SLC26A9: variants seen among roughly 807,000 people sequenced by gnomAD.
SLC26A9 encodes the protein solute carrier family 26 member 9, also known as anion transporter/exchanger protein 9.
Under a neutral mutation model 87.1 loss-of-function variants are expected in SLC26A9, and 46 were observed. The observed-to-expected ratio is 0.53, with a 90% CI of 0.42 to 0.67. The LOEUF (loss-of-function observed/expected upper bound fraction) is 0.67, where lower values mean the gene tolerates loss of function less well. Ranked by LOEUF, SLC26A9 falls within the 30% of genes least tolerant of loss-of-function variation. The pLI, the probability that SLC26A9 is intolerant of heterozygous loss-of-function variation, is 0.00. For missense variants in SLC26A9, 927 were observed against 1,018.3 expected (o/e 0.91, Z 1.22); for synonymous variants, 437 against 409.1 (o/e 1.07, Z -0.82).
intron 1 of SLC26A9, among the ~76,000 whole-genome samples, chr1:205,937,995 C>A (rs1371667562): frequency 1.3e-5 from 2 of 152,088 alleles, no homozygotes; most frequent in Admixed American, 1.3e-4. Flanking sequence ...AACCAGCAGG[C>A]AGCGATCCCT....
At chr1:205,938,242 A>G (rs1364469485) in intron 1 of SLC26A9, among the ~76,000 whole-genome samples, 2 of 145,418 alleles carry the variant, frequency 1.4e-5, no homozygotes, top group East Asian at 2.0e-4. Flanking sequence ...TCCTATTGCT[A>G]TTTCCTTCCT....
intron 16 of SLC26A9, among the ~76,000 whole-genome samples, chr1:205,922,293 C>T (rs184444469): frequency 2.7e-4 from 41 of 152,318 alleles, no homozygotes; most frequent in Admixed American, 2.3e-3. Context: ...CCCACCACCA[C>T]GCCTGGCTAA....
At chr1:205,926,739 A>C in intron 11 of SLC26A9, 109 bp from the exon 12 acceptor site, 1 of 861,488 alleles carries the variant, frequency 1.2e-6, no homozygotes, top group Non-Finnish European at 1.9e-6. Context: ...GTTCTGGAAC[A>C]CCTCCCCTGG....
chr1:205,925,732 G>A (rs1659037456), intron 12 of SLC26A9, among the ~76,000 whole-genome samples: 1 of 152,182 alleles, frequency 6.6e-6, no homozygotes, highest in Non-Finnish European at 1.5e-5. Context: ...CCCTACCTCT[G>A]TGGCCTTTGA....
chr1:205,927,335 G>C (rs1426443196), intron 10 of SLC26A9, 47 bp from the exon 11 acceptor site: 2 of 1,606,848 alleles, frequency 1.2e-6, no homozygotes, highest in Non-Finnish European at 1.7e-6. Flanking sequence ...TGAAATTTTT[G>C]CTCTTGATTT....
At chr1:205,915,707 T>C (rs1385468152) in intron 20 of SLC26A9, among the ~76,000 whole-genome samples, 2 of 152,110 alleles carry the variant, frequency 1.3e-5, no homozygotes, top group African/African-American at 4.8e-5. Context: ...ACTTTCCTCA[T>C]TGGGTAAAAT....
At chr1:205,937,370 T>C (rs879420295) in intron 1 of SLC26A9, among the ~76,000 whole-genome samples, 4 of 152,092 alleles carry the variant, frequency 2.6e-5, no homozygotes, top group Non-Finnish European at 4.4e-5. Context: ...GGAGGAGACA[T>C]GGGCAGAAAT....
chr1:205,915,069 G>C lies in SLC26A9; in HGVS notation c.*288C>G, dbSNP rs1658521265. 6.2e-7 allele frequency: 1 copy of C among 1,614,180 alleles called. No individual in the cohort carries two copies. The highest frequency in any genetic ancestry group is 8.5e-7 in the Non-Finnish European group (1 of 1,180,020). ...CCAAGGACAGGGCAGAGGTGGGTGGGGTGGAGTGAGCAGGAGGCTTGTCCA... is the reference window on the plus strand; with the variant it reads ...CCAAGGACAGGGCAGAGGTGGGTGGCGTGGAGTGAGCAGGAGGCTTGTCCA... On this transcript the variant is annotated 3_prime_UTR_variant, in exon 21 of 21. Transcript: ENST00000367135.
intron 1 of SLC26A9, among the ~76,000 whole-genome samples, chr1:205,938,550 G>A (rs116709787): frequency 5.7e-4 from 86 of 151,982 alleles, no homozygotes; most frequent in Non-Finnish European, 1.0e-3. Flanking sequence ...AAATCTGTTG[G>A]CTGGGTCCCT....
chr1:205,926,000 A>G (rs1378480577), intron 12 of SLC26A9, among the ~76,000 whole-genome samples: 1 of 152,186 alleles, frequency 6.6e-6, no homozygotes, highest in Non-Finnish European at 1.5e-5. Context: ...CCAGCGTTTG[A>G]CGCAACCATG....
rs9438400 is a variant in SLC26A9, at chr1:205,915,167, C to T, written c.*190G>A. ...CTCCTGTAAGGGTAGCACCCCCCTG[C>T]TGCTGAGAGGCTCTCTCTGGAGATG... On this transcript the variant is annotated 3_prime_UTR_variant, in exon 21 of 21. Coordinates refer to ENST00000367135, the MANE Select transcript of SLC26A9 (RefSeq NM_052934.4). The T allele has an allele frequency of 1.2e-6, 2 of 1,612,490 alleles. No individual in the cohort carries two copies. The highest frequency in any genetic ancestry group is 4.5e-5 in the East Asian group (2 of 44,852).
Position 205,932,714 on chromosome 1 carries a change from G to T in SLC26A9, c.364C>A (p.Gln122Lys). The T allele has an allele frequency of 1.9e-6, 3 of 1,576,296 alleles. No homozygotes were observed. The highest frequency in any genetic ancestry group is 2.6e-6 in the Non-Finnish European group (3 of 1,162,774). The change falls in exon 4 of 21, where the codon CAG becomes AAG. Residue 122 changes from glutamine to lysine, a missense_variant. Physicochemically the swap from Gln to Lys is moderately conservative, Grantham distance 53 (BLOSUM62 1). Coordinates refer to ENST00000367135, the MANE Select transcript of SLC26A9 (RefSeq NM_052934.4). ...LTYFFLGGVH[Q>K]MVPGTFAVIS... ...GGAGAGGCCTTACCTGGCACCATCTGGTGAACACCCCCCAGGAAGAAGTAG... is the reference window on the plus strand; with the variant it reads ...GGAGAGGCCTTACCTGGCACCATCTTGTGAACACCCCCCAGGAAGAAGTAG...
At position 205,921,644 on chromosome 1, in the gene SLC26A9, G is replaced by A. The variant is rs143824153; in HGVS notation, c.1977C>T (p.Phe659=). ...PSDMLASVPP[F]VTFHTLILDM... ...CCAGGATGAGGGTGTGGAAGGTGAC[G>A]AAGGGTGGGACGCTGGCCAGCATGT... is the stretch of plus-strand genomic sequence containing the variant. The change falls in exon 17 of 21, where the codon TTC becomes TTT. Residue 659 remains phenylalanine (F), a synonymous_variant. Transcript: ENST00000367135. The A allele has an allele frequency of 6.8e-6, 11 of 1,609,094 alleles. No individual in the cohort carries two copies. The African/African-American group carries it at 9.3e-5, about 14-fold the overall frequency.
intron 16 of SLC26A9, among the ~76,000 whole-genome samples, chr1:205,922,154 T>C (rs532271128): frequency 2.8e-4 from 43 of 152,200 alleles, no homozygotes; most frequent in Non-Finnish European, 5.3e-4. Context: ...CTTTATTTCT[T>C]GAGACAGAGT....
At chr1:205,921,518 A>C (rs1658825697) in intron 17 of SLC26A9, 48 bp downstream of exon 17, 3 of 1,575,036 alleles carry the variant, frequency 1.9e-6, no homozygotes, top group Non-Finnish European at 2.6e-6. Context: ...TGGAGAGCAG[A>C]GCGGAGGGGG....
chr1:205,937,021 A>G (rs1230071181), intron 1 of SLC26A9, among the ~76,000 whole-genome samples: 1 of 152,230 alleles, frequency 6.6e-6, no homozygotes, highest in Non-Finnish European at 1.5e-5. Context: ...TAACAGACAT[A>G]TCTCACAGGG....
chr1:205,921,910 A>G, intron 16 of SLC26A9, 63 bp from the exon 17 acceptor site: 1 of 1,547,374 alleles, frequency 6.5e-7, no homozygotes, highest in South Asian at 1.2e-5. Flanking sequence ...CCTTGCTGTG[A>G]CTGAAGCAGG....
intron 1 of SLC26A9, among the ~76,000 whole-genome samples, chr1:205,936,517 G>T (rs370415597): frequency 1.3e-5 from 2 of 152,006 alleles, no homozygotes; most frequent in South Asian, 4.1e-4. Context: ...CACTTTTTGC[G>T]CAACCTGGCT....
intron 1 of SLC26A9, among the ~76,000 whole-genome samples, chr1:205,940,870 G>A (rs1039513751): frequency 3.9e-5 from 6 of 152,208 alleles, no homozygotes; most frequent in South Asian, 4.1e-4. Flanking sequence ...GAACAGCCCC[G>A]GCTGGGCCAA....
Sources: allele counts gnomAD v4.1 joint callset (sites outside exome capture counted in the v4.1 genomes callset), GRCh38; gene constraint gnomAD v4.1.1; transcripts MANE v1.5; gene names NCBI Gene and HGNC (gene_info 2026-07-23, HGNC 2026-07-21).